The following SGCZ variants were observed in gnomAD, a reference collection of about 807,000 sequenced individuals.
SGCZ encodes sarcoglycan zeta.
In SGCZ, 40 loss-of-function variants were observed where a neutral mutation model predicts 41.3. The observed-to-expected ratio is 0.97, with a 90% confidence interval of 0.75 to 1.26. The LOEUF (loss-of-function observed/expected upper bound fraction) is 1.26. Among genes scored for constraint, SGCZ ranks in the 50% most tolerant of loss-of-function variants. SGCZ has a pLI of 0.00. For synonymous variants in SGCZ, 206 were observed against 137.5 expected (o/e 1.50, Z -3.49); for missense variants, 552 against 369.8 (o/e 1.49, Z -4.04).
At chr8:14,266,669 T>C (rs912093804) in intron 3 of SGCZ, among the ~76,000 whole-genome samples, 2 of 152,064 alleles carry the variant, frequency 1.3e-5, no homozygotes, top group Non-Finnish European at 2.9e-5. Flanking sequence ...TGATGGGTCA[T>C]TGTGAGGGTT....
intron 1 of SGCZ, among the ~76,000 whole-genome samples, chr8:14,602,435 A>G (rs921656357): frequency 2.6e-5 from 4 of 151,800 alleles, no homozygotes; most frequent in Non-Finnish European, 4.4e-5. Flanking sequence ...ATTACCTGGG[A>G]GGTAATTGGG....
At chr8:14,331,404 GT>G (rs903298654) in intron 2 of SGCZ, among the ~76,000 whole-genome samples, 16 of 152,112 alleles carry the variant, frequency 1.1e-4, no homozygotes, top group African/African-American at 3.9e-4. Flanking sequence ...ATACTGAGCT[GT>G]TTTTCCCCAA....
intron 1 of SGCZ, among the ~76,000 whole-genome samples, chr8:14,813,005 T>A (rs1801780840): frequency 6.6e-6 from 1 of 152,112 alleles, no homozygotes; most frequent in South Asian, 2.1e-4. Flanking sequence ...TCTCAGTAAA[T>A]CTGAAGAGAG....
intron 1 of SGCZ, among the ~76,000 whole-genome samples, chr8:15,007,880 C>A (rs12680576): frequency 1.3e-5 from 2 of 151,850 alleles, no homozygotes; most frequent in South Asian, 4.1e-4. Context: ...ATAATCATAA[C>A]GTGTTATAAA....
At chr8:15,219,758 T>A (rs763724651) in intron 1 of SGCZ, among the ~76,000 whole-genome samples, 2 of 152,146 alleles carry the variant, frequency 1.3e-5, no homozygotes, top group Non-Finnish European at 2.9e-5. Flanking sequence ...AATCACCTAC[T>A]CACTTATGTC....
intron 1 of SGCZ, among the ~76,000 whole-genome samples, chr8:14,745,931 T>C (rs1301104263): frequency 1.3e-5 from 2 of 152,118 alleles, no homozygotes; most frequent in Non-Finnish European, 2.9e-5. Context: ...GACTTATGCT[T>C]ACATTTTAAA....
At chr8:15,060,895 C>T (rs1438943908) in intron 1 of SGCZ, among the ~76,000 whole-genome samples, 2 of 152,090 alleles carry the variant, frequency 1.3e-5, no homozygotes, top group Admixed American at 1.3e-4. Context: ...AGTTTTTAGC[C>T]TTGGCTGGAT....
intron 1 of SGCZ, among the ~76,000 whole-genome samples, chr8:14,926,755 C>G (rs1010398388): frequency 1.3e-5 from 2 of 152,074 alleles, no homozygotes; most frequent in African/African-American, 4.8e-5. Flanking sequence ...ATTCTCCTGC[C>G]TCAGCCTCCC....
intron 1 of SGCZ, among the ~76,000 whole-genome samples, chr8:15,156,360 A>G (rs1799330841): frequency 6.6e-6 from 1 of 152,094 alleles, no homozygotes; most frequent in South Asian, 2.1e-4. Flanking sequence ...ATTGCCTTAA[A>G]CCTTGAGGGA....
chr8:15,025,704 A>G (rs1172131878), intron 1 of SGCZ, among the ~76,000 whole-genome samples: 1 of 152,200 alleles, frequency 6.6e-6, no homozygotes, highest in Non-Finnish European at 1.5e-5. Context: ...TATCATGGGT[A>G]TGGAGAGAGA....
chr8:14,858,155 T>A lies in SGCZ; in HGVS notation c.40-303229A>T, dbSNP rs1803604790. On this transcript the variant is annotated intron_variant, in intron 1 of 7. Coordinates refer to ENST00000382080, the MANE Select transcript of SGCZ (RefSeq NM_139167.4). Reference sequence around the variant, plus strand: ...TTTGATCTTGACAACCCTTACGTTCTTAAAATTAGTGAAGACCCTAGAGAG... The same window carrying A: ...TTTGATCTTGACAACCCTTACGTTCATAAAATTAGTGAAGACCCTAGAGAG... Among the ~76,000 whole-genome samples the A allele has an allele frequency of 3.3e-5, 5 of 152,030 alleles. No individual in the cohort carries two copies. In the South Asian group the frequency reaches 1.0e-3, roughly 31 times the overall value.
chr8:14,253,616 A>G lies in SGCZ; in HGVS notation c.337-15937T>C, dbSNP rs114226286. Among the ~76,000 whole-genome samples, 405 of 152,230 alleles carry G rather than the reference A, an allele frequency of 2.7e-3. 1 individual carries two copies. Among genetic ancestry groups the G allele is most frequent in the African/African-American group, 9.0e-3 (376 of 41,564 alleles). On this transcript the variant is annotated intron_variant, in intron 3 of 7. Coordinates refer to ENST00000382080, the MANE Select transcript of SGCZ (RefSeq NM_139167.4). ...TAAAGAGATATAGTTCATTGGTTAT[A>G]TAAAAAGGTATCTAATGAGAACTTC...
chr8:14,597,664 A>G (rs970361123), intron 1 of SGCZ, among the ~76,000 whole-genome samples: 1 of 152,028 alleles, frequency 6.6e-6, no homozygotes. Flanking sequence ...TTTAGTAGTA[A>G]TGGGGTTTTA....
intron 1 of SGCZ, among the ~76,000 whole-genome samples, chr8:14,967,234 G>A (rs745989088): frequency 3.9e-5 from 6 of 152,088 alleles, no homozygotes; most frequent in African/African-American, 1.2e-4. Flanking sequence ...GTATATCCCT[G>A]GTGGTGTCTG....
intron 1 of SGCZ, among the ~76,000 whole-genome samples, chr8:14,579,686 G>A (rs1192125202): frequency 6.6e-6 from 1 of 152,298 alleles, no homozygotes; most frequent in South Asian, 2.1e-4. Flanking sequence ...GCTTTGGGCA[G>A]TTAGATTAAT....
intron 1 of SGCZ, among the ~76,000 whole-genome samples, chr8:14,769,518 G>A (rs528239950): frequency 4.4e-4 from 67 of 152,214 alleles, no homozygotes; most frequent in African/African-American, 5.8e-4. Context: ...GCAGCCAGGC[G>A]CGATGGCTCA....
chr8:14,916,549 C>G (rs1226150520), intron 1 of SGCZ, among the ~76,000 whole-genome samples: 5 of 152,160 alleles, frequency 3.3e-5, no homozygotes, highest in African/African-American at 4.8e-5. Flanking sequence ...CAAGGCAGTA[C>G]TCAATTGTGA....
In SGCZ at chr8:14,581,982, C is replaced by T. The variant is rs73535240; in HGVS notation, c.40-27056G>A. ...CATTCCACCTGCTCCACCTCTACTGCCTCTGCTACTGCTGAGAAAGAAAGA... is the reference window on the plus strand; with the variant it reads ...CATTCCACCTGCTCCACCTCTACTGTCTCTGCTACTGCTGAGAAAGAAAGA... On this transcript the variant is annotated intron_variant, in intron 1 of 7. Transcript: ENST00000382080. 7.2e-3 allele frequency among the ~76,000 whole-genome samples: 1,090 copies of T among 152,252 alleles called. 11 individuals carry two copies. Among genetic ancestry groups the T allele is most frequent in the African/African-American group, 0.025 (1,038 of 41,538 alleles).
intron 1 of SGCZ, among the ~76,000 whole-genome samples, chr8:14,764,920 C>A (rs1318846599): frequency 6.6e-6 from 1 of 152,092 alleles, no homozygotes; most frequent in East Asian, 1.9e-4. Flanking sequence ...AATGGTTGAA[C>A]AACAGCAAAT....
Sources: allele counts gnomAD v4.1 joint callset (sites outside exome capture counted in the v4.1 genomes callset), GRCh38; gene constraint gnomAD v4.1.1; transcripts MANE v1.5; gene names NCBI Gene and HGNC (gene_info 2026-07-23, HGNC 2026-07-21).